STXBP2: variants seen among roughly 807,000 people sequenced by gnomAD.
STXBP2 encodes syntaxin-binding protein 2.
STXBP2 carries 47 observed loss-of-function variants against 72.2 expected under a neutral mutation model. The ratio of observed to expected loss-of-function variants is 0.65; its 90% CI spans 0.51 to 0.83. The LOEUF is 0.83. Among genes scored for constraint, STXBP2 ranks in the 40% least tolerant of loss-of-function variants. The pLI, the probability that STXBP2 is intolerant of heterozygous loss-of-function variation, is 0.00. For synonymous variants in STXBP2, 367 were observed against 338.7 expected (o/e 1.08, Z -0.92); for missense variants, 702 against 807.6 (o/e 0.87, Z 1.58).
At chr19:7,632,859 GC>G, upstream of STXBP2, 2 of 1,539,690 alleles carry the variant, frequency 1.3e-6, no homozygotes, top group Non-Finnish European at 1.7e-6. This position sits in a 1 kb window ranked among gnomAD's most constrained non-coding sequence, Gnocchi z 5.2. Flanking sequence ...AGTCTGGTTG[GC>G]CCTTCAGCTT....
chr19:7,630,258 G>A, the STXBP2 span: 2 of 459,982 alleles, frequency 4.3e-6, no homozygotes, highest in Admixed American at 3.9e-5. Context: ...GGGTGCTCCC[G>A]GGATCTTAAG....
chr19:7,643,267 G>C, intron 13 of STXBP2, 22 bp downstream of exon 13: 1 of 1,611,978 alleles, frequency 6.2e-7, no homozygotes, highest in Non-Finnish European at 8.5e-7. Flanking sequence ...CTTGCGGGGG[G>C]CAGGGGTGAT....
chr19:7,646,159 C>G (rs1441176766), intron 15 of STXBP2, 90 bp from the exon 16 acceptor site: 3 of 1,101,914 alleles, frequency 2.7e-6, no homozygotes, highest in Non-Finnish European at 4.0e-6. Flanking sequence ...CCTGCCATCC[C>G]CCACCCTACC....
chr19:7,643,380 G>A, intron 13 of STXBP2, 135 bp downstream of exon 13: 3 of 898,528 alleles, frequency 3.3e-6, no homozygotes, highest in Non-Finnish European at 5.2e-6. Context: ...CTTGGAGAGA[G>A]GTGGGACCTG....
upstream of STXBP2, among the ~76,000 whole-genome samples, chr19:7,635,617 G>T (rs2031496640): frequency 6.6e-6 from 1 of 152,168 alleles, no homozygotes; most frequent in African/African-American, 2.4e-5. Context: ...AATCCCTTGA[G>T]CTCAGGAAGT....
chr19:7,632,269 G>T, upstream of STXBP2: 7 of 1,438,662 alleles, frequency 4.9e-6, no homozygotes, highest in Admixed American at 1.1e-4. This position sits in a 1 kb window ranked among gnomAD's most constrained non-coding sequence, Gnocchi z 5.2. Context: ...CCTCCCATCT[G>T]AAGTCAGGGC....
intron 1 of STXBP2, among the ~76,000 whole-genome samples, chr19:7,637,408 G>T (rs1363696382): frequency 1.3e-5 from 2 of 152,168 alleles, no homozygotes; most frequent in Non-Finnish European, 2.9e-5. Flanking sequence ...GGACTCCGGG[G>T]ACCCAAAGGG....
At chr19:7,630,416 G>A in the STXBP2 span, 2 of 633,630 alleles carry the variant, frequency 3.2e-6, no homozygotes, top group Admixed American at 2.7e-5. Flanking sequence ...GTTTTAGGGT[G>A]CGAGGTTTCT....
chr19:7,631,398 G>GA, the STXBP2 span: 1 of 1,177,192 alleles, frequency 8.5e-7, no homozygotes, highest in African/African-American at 1.5e-5. Context: ...GGAGAGGTGG[G>GA]CGGGGGGGGG....
intron 15 of STXBP2, 34 bp downstream of exon 15, chr19:7,645,340 A>T: frequency 6.5e-7 from 1 of 1,547,078 alleles, no homozygotes; most frequent in South Asian, 1.2e-5. Flanking sequence ...GGACCCTGGG[A>T]GAGGGTGCGG....
intron 13 of STXBP2, among the ~76,000 whole-genome samples, chr19:7,644,035 T>A (rs1376188298): frequency 1.6e-5 from 2 of 128,848 alleles, no homozygotes; most frequent in African/African-American, 3.0e-5. Context: ...GGGACCTGGG[T>A]GAGGGGTGGA....
chr19:7,630,022 C>T, the STXBP2 span: 3 of 829,818 alleles, frequency 3.6e-6, no homozygotes, highest in African/African-American at 3.8e-5. Flanking sequence ...GGAGAGGGGA[C>T]GCTGGGCTGG....
Position 7,644,322 on chromosome 19 carries a change from T to C in STXBP2, c.1108-292T>C, listed in dbSNP as rs193263201. Reference sequence around the variant, plus strand: ...GGGACCTGGGTGAGGGGTGGAGCCTTGGAGAGCTGGGACCTGGGTGAGGGG... The same window carrying C: ...GGGACCTGGGTGAGGGGTGGAGCCTCGGAGAGCTGGGACCTGGGTGAGGGG... On this transcript the variant is annotated intron_variant, in intron 13 of 18. Transcript: ENST00000221283. 3.2e-3 allele frequency: 1,417 copies of C among 445,684 alleles called. 28 individuals are homozygous for C. The East Asian group carries it at 0.032, about 10-fold the overall frequency. 27.6% of individuals were successfully genotyped at this position (445,684 alleles called of 1,614,324 possible).
At chr19:7,631,785 C>A in the STXBP2 span, 1 of 1,416,918 alleles carries the variant, frequency 7.1e-7, no homozygotes, top group Non-Finnish European at 9.2e-7. Flanking sequence ...GACTGAGGGT[C>A]CCAGCTCGTT....
chr19:7,647,729 C>T lies in STXBP2; in HGVS notation c.1701C>T (p.Ser567=), dbSNP rs775267116. 17 of 1,614,056 alleles carry T rather than the reference C, an allele frequency of 1.1e-5. No homozygotes were observed. The highest frequency in any genetic ancestry group is 2.7e-5 in the African/African-American group (2 of 74,934). The change falls in exon 19 of 19, where the codon TCC becomes TCT. Residue 567 remains serine, a synonymous_variant. Transcript: ENST00000221283. ...CAAACCTCTGCCCCTGCACAGGCTC[C>T]TCACACATCCTCACCCCGACCCGCT... ...TEGKWEVLIG[S]SHILTPTRFL... is the part of the protein sequence containing the mutation.
chr19:7,637,209 G>A, intron 1 of STXBP2, 23 bp downstream of exon 1: 1 of 1,241,882 alleles, frequency 8.1e-7, no homozygotes, highest in Non-Finnish European at 1.0e-6. Context: ...CCGGGGCCGG[G>A]CTCTGGCGTC....
chr19:7,634,673 A>G (rs11672074), upstream of STXBP2, among the ~76,000 whole-genome samples: 1 of 151,764 alleles, frequency 6.6e-6, no homozygotes, highest in African/African-American at 2.4e-5. Context: ...CTGAGCCTTT[A>G]AAATTTTTTT....
rs770860899 is a variant in STXBP2, at chr19:7,647,824, C to G, written c.*14C>G. ...GCCCTGCCCTGACCCCTGGCCCCGC[C>G]CCCTACCCCTCCCTTTCCAGAGAAA... On this transcript the variant is annotated 3_prime_UTR_variant, in exon 19 of 19. Coordinates refer to ENST00000221283, the MANE Select transcript of STXBP2 (RefSeq NM_006949.4). 1.9e-6 allele frequency: 3 copies of G among 1,600,568 alleles called. No individual in the cohort carries two copies. In the African/African-American group the frequency reaches 4.0e-5, roughly 22 times the overall value.
intron 1 of STXBP2, among the ~76,000 whole-genome samples, chr19:7,638,136 G>A (rs970856706): frequency 2.0e-5 from 3 of 152,202 alleles, no homozygotes; most frequent in Non-Finnish European, 4.4e-5. Flanking sequence ...GATGATCCCG[G>A]TTCTCCTCTT....
Sources: allele counts gnomAD v4.1 joint callset (sites outside exome capture counted in the v4.1 genomes callset), GRCh38; gene constraint gnomAD v4.1.1; non-coding constraint Gnocchi (gnomAD v3.1); transcripts MANE v1.5; gene names NCBI Gene and HGNC (gene_info 2026-07-23, HGNC 2026-07-21).